KLHL29: variants seen among roughly 807,000 people sequenced by gnomAD.
The protein encoded by KLHL29 is kelch-like protein 29.
In KLHL29, 21 loss-of-function variants were observed where a neutral mutation model predicts 80.4. That is an observed-to-expected ratio of 0.26 (90% confidence interval 0.19 to 0.38). The LOEUF is 0.38. Among genes scored for constraint, KLHL29 ranks in the 10% least tolerant of loss-of-function variants. The pLI, the probability that KLHL29 is intolerant of heterozygous loss-of-function variation, is 1.00. For synonymous variants in KLHL29, 511 were observed against 526.8 expected, an observed-to-expected ratio of 0.97 and a Z score of 0.41; for missense variants, 867 against 1,223.9, an observed-to-expected ratio of 0.71 and a Z score of 4.35.
intron 1 of KLHL29, among the ~76,000 whole-genome samples, chr2:23,434,808 C>T (rs890739737): frequency 1.3e-5 from 2 of 152,112 alleles, no homozygotes; most frequent in African/African-American, 2.4e-5. Context: ...GGCCCGTGGG[C>T]AGTCAGTCCA....
chr2:23,464,381 A>C (rs1412480274), intron 1 of KLHL29, among the ~76,000 whole-genome samples: 1 of 152,172 alleles, frequency 6.6e-6, no homozygotes, highest in African/African-American at 2.4e-5. Flanking sequence ...CCCATGATAA[A>C]TGGGAGGTGG....
At chr2:23,422,494 T>C (rs1026353775) in intron 1 of KLHL29, among the ~76,000 whole-genome samples, 1 of 151,662 alleles carries the variant, frequency 6.6e-6, no homozygotes, top group African/African-American at 2.4e-5. Flanking sequence ...TCCCTGTGTG[T>C]CTGCCTCTGT....
chr2:23,478,162 G>C (rs1325206134), intron 2 of KLHL29, among the ~76,000 whole-genome samples: 1 of 152,152 alleles, frequency 6.6e-6, no homozygotes, highest in African/African-American at 2.4e-5. Flanking sequence ...AATCATACCT[G>C]ATCTGTCTCT....
chr2:23,591,070 G>A (rs924453031), intron 3 of KLHL29, among the ~76,000 whole-genome samples: 35 of 152,172 alleles, frequency 2.3e-4, no homozygotes, highest in African/African-American at 5.3e-4. Context: ...GTCCGAGAGC[G>A]CCAGGCCGGA....
intron 2 of KLHL29, among the ~76,000 whole-genome samples, chr2:23,511,470 G>C (rs532107443): frequency 2.0e-5 from 3 of 152,270 alleles, no homozygotes; most frequent in African/African-American, 7.2e-5. Context: ...CCCATGGAGC[G>C]GGGAGTGTTA....
chr2:23,411,379 TTGTGTG>T lies in KLHL29; in HGVS notation c.-154+25640_-154+25645del, dbSNP rs56103621. 7.1e-3 allele frequency among the ~76,000 whole-genome samples: 774 copies of T among 109,022 alleles called. 6 individuals are homozygous for T. The highest frequency in any genetic ancestry group is 0.016 in the African/African-American group (421 of 26,336). 71.5% of individuals were successfully genotyped at this position (109,022 alleles called of 152,430 possible). On this transcript the variant is annotated intron_variant, in intron 1 of 13. Transcript: ENST00000486442. ...ATATTGGGTATGTATGTTGCAAAAATTGTGTGTGTGTGTGTGTGTGTGTGTGTGTGT... is the reference window on the plus strand; with the variant it reads ...ATATTGGGTATGTATGTTGCAAAAATTGTGTGTGTGTGTGTGTGTGTGTGT...
At chr2:23,410,411 G>A (rs1437280887) in intron 1 of KLHL29, among the ~76,000 whole-genome samples, 1 of 152,162 alleles carries the variant, frequency 6.6e-6, no homozygotes, top group East Asian at 1.9e-4. Flanking sequence ...ATGTGGTGCT[G>A]TGCTGGGCAC....
At chr2:23,446,716 C>T (rs1227257319) in intron 1 of KLHL29, among the ~76,000 whole-genome samples, 6 of 152,198 alleles carry the variant, frequency 3.9e-5, no homozygotes, top group Admixed American at 6.5e-5. Flanking sequence ...CATTCTCTCA[C>T]GCCTGATTTT....
At chr2:23,431,251 G>T (rs922234934) in intron 1 of KLHL29, among the ~76,000 whole-genome samples, 13 of 152,258 alleles carry the variant, frequency 8.5e-5, no homozygotes, top group Non-Finnish European at 1.8e-4. Flanking sequence ...AGAGTTGGCA[G>T]ATGGGTCCTT....
chr2:23,498,436 A>T (rs1665334750), intron 2 of KLHL29, among the ~76,000 whole-genome samples: 1 of 152,228 alleles, frequency 6.6e-6, no homozygotes, highest in South Asian at 2.1e-4. Context: ...CCGATCAGGC[A>T]GGAGACTACT....
At chr2:23,621,503 A>C (rs967078288) in intron 3 of KLHL29, among the ~76,000 whole-genome samples, 3 of 150,738 alleles carry the variant, frequency 2.0e-5, no homozygotes, top group African/African-American at 4.9e-5. Flanking sequence ...AGGGAGGAGA[A>C]GACAAGGAGG....
chr2:23,400,848 G>C lies in KLHL29; in HGVS notation c.-154+15068G>C, dbSNP rs111704827. On this transcript the variant is annotated intron_variant, in intron 1 of 13. Coordinates refer to ENST00000486442, the MANE Select transcript of KLHL29 (RefSeq NM_052920.2). ...GATCTTGTCTCTAAGTGGTATGGGAGGGGGAAAGCTACACCTTTGTTGCAA... is the reference window on the plus strand; with the variant it reads ...GATCTTGTCTCTAAGTGGTATGGGACGGGGAAAGCTACACCTTTGTTGCAA... Among the ~76,000 whole-genome samples, 5 of 152,176 alleles carry C rather than the reference G, an allele frequency of 3.3e-5. No individual in the cohort carries two copies. In the East Asian group the frequency reaches 5.8e-4, roughly 18 times the overall value.
At chr2:23,482,399 C>T (rs377325035) in intron 2 of KLHL29, among the ~76,000 whole-genome samples, 1 of 152,226 alleles carries the variant, frequency 6.6e-6, no homozygotes, top group African/African-American at 2.4e-5. Context: ...GAGTTTGTGT[C>T]CTCCGTGAGG....
intron 3 of KLHL29, among the ~76,000 whole-genome samples, chr2:23,592,110 A>G (rs1363697976): frequency 6.6e-6 from 1 of 152,160 alleles, no homozygotes; most frequent in Non-Finnish European, 1.5e-5. Context: ...GCACCCACTC[A>G]CTGCTGTGGA....
chr2:23,427,950 G>T (rs1000712061), intron 1 of KLHL29, among the ~76,000 whole-genome samples: 1 of 152,186 alleles, frequency 6.6e-6, no homozygotes, highest in Non-Finnish European at 1.5e-5. Context: ...ATACCTGGGC[G>T]GCTCCCGTTT....
Position 23,398,029 on chromosome 2 carries a change from C to T in KLHL29, c.-154+12249C>T, listed in dbSNP as rs150134875. ...CTCATGAAAATGCAAATTGTGCAACCGCTATGGAAAACATTATGGCCATTC... is the reference window on the plus strand; with the variant it reads ...CTCATGAAAATGCAAATTGTGCAACTGCTATGGAAAACATTATGGCCATTC... On this transcript the variant is annotated intron_variant, in intron 1 of 13. Coordinates refer to ENST00000486442, the MANE Select transcript of KLHL29 (RefSeq NM_052920.2). Among the ~76,000 whole-genome samples, 1,180 of 152,284 alleles carry T rather than the reference C, an allele frequency of 7.7e-3. 8 individuals are homozygous for T. Among genetic ancestry groups the T allele is most frequent in the Admixed American group, 0.013 (192 of 15,298 alleles).
In KLHL29 at chr2:23,647,557, CACCATCAGGCCACCGT is replaced by C. The variant is rs1279257604; in HGVS notation, c.940+4708_940+4723del. Among the ~76,000 whole-genome samples, 4 of 152,178 alleles carry C rather than the reference CACCATCAGGCCACCGT, an allele frequency of 2.6e-5. No homozygotes were observed. Among genetic ancestry groups the C allele is most frequent in the Non-Finnish European group, 4.4e-5 (3 of 68,032 alleles). Reference sequence around the variant, plus strand: ...CTGCTCTTCTGTACCCCCACCACCCCACCATCAGGCCACCGTCACCTCTGGCCTGCACACTGGCCTC... The same window carrying C: ...CTGCTCTTCTGTACCCCCACCACCCCCACCTCTGGCCTGCACACTGGCCTC... On this transcript the variant is annotated intron_variant, in intron 5 of 13. Coordinates refer to ENST00000486442, the MANE Select transcript of KLHL29 (RefSeq NM_052920.2). This position sits in a 1 kb window ranked among gnomAD's most constrained non-coding sequence, Gnocchi z 4.9.
chr2:23,536,975 G>T (rs1346353045), intron 2 of KLHL29, among the ~76,000 whole-genome samples: 1 of 148,706 alleles, frequency 6.7e-6, no homozygotes, highest in East Asian at 2.0e-4. Flanking sequence ...CTCTCCTTCA[G>T]GTGTGGTGTA....
chr2:23,414,661 G>T (rs1666944095), intron 1 of KLHL29, among the ~76,000 whole-genome samples: 1 of 152,210 alleles, frequency 6.6e-6, no homozygotes, highest in Admixed American at 6.5e-5. Context: ...AGTGACCCAT[G>T]ATGGGGCTTC....
Sources: gnomAD v4.1 joint callset for allele counts (sites outside exome capture counted in the v4.1 genomes callset) on GRCh38, gnomAD v4.1.1 for gene constraint, Gnocchi (gnomAD v3.1) non-coding constraint, MANE v1.5 for transcripts, NCBI Gene and HGNC (gene_info 2026-07-23, HGNC 2026-07-21) for gene names.